The following OCA2 variants were observed in gnomAD, a reference collection of about 807,000 sequenced individuals.
OCA2 encodes the protein OCA2 melanosomal transmembrane protein, also known as P protein.
OCA2 carries 77 observed loss-of-function variants against 100.2 expected under a neutral mutation model. The observed-to-expected ratio is 0.77, with a 90% CI of 0.64 to 0.93. The LOEUF (loss-of-function observed/expected upper bound fraction) is 0.93. Ranked by LOEUF, OCA2 falls within the 40% of genes least tolerant of loss-of-function variation. The pLI, the probability that OCA2 is intolerant of heterozygous loss-of-function variation, is 0.00. For synonymous variants in OCA2, 432 were observed against 439.2 expected (o/e 0.98, Z 0.21); for missense variants, 1,062 against 1,089.1 (o/e 0.98, Z 0.35).
chr15:27,877,462 G>A (rs2036838675), intron 19 of OCA2, among the ~76,000 whole-genome samples: 1 of 151,672 alleles, frequency 6.6e-6, no homozygotes. Flanking sequence ...TGTCTATTTT[G>A]TTTTACTTTA....
chr15:27,733,985 C>T, the OCA2 span, among the ~76,000 whole-genome samples: 1 of 151,502 alleles, frequency 6.6e-6, no homozygotes, highest in Non-Finnish European at 1.5e-5. Flanking sequence ...CATGGTGAAA[C>T]CCCGTCTCTA....
the OCA2 span, among the ~76,000 whole-genome samples, chr15:27,723,248 C>A: frequency 5.3e-5 from 8 of 151,926 alleles, no homozygotes; most frequent in Admixed American, 1.3e-4. Flanking sequence ...AGAGCAGGAA[C>A]TTTTTTTTCC....
chr15:27,782,015 G>A (rs890843776), intron 23 of OCA2, among the ~76,000 whole-genome samples: 7 of 152,300 alleles, frequency 4.6e-5, no homozygotes, highest in African/African-American at 1.7e-4. Flanking sequence ...AAAAGCATTT[G>A]TTCTATTGCA....
chr15:27,756,716 G>T lies in OCA2; in HGVS notation c.2433-1244C>A, dbSNP rs542316445. On this transcript the variant is annotated intron_variant, in intron 23 of 23. Coordinates refer to ENST00000354638, the MANE Select transcript of OCA2 (RefSeq NM_000275.3). ...CCTTCGTTCCTCTGTGACAGATTGT[G>T]TAGAGTGAGTCAGTGTCAGGTAAGA... 3.3e-5 allele frequency among the ~76,000 whole-genome samples: 5 copies of T among 152,316 alleles called. No homozygotes were observed. The South Asian group carries it at 8.3e-4, about 25-fold the overall frequency.
At chr15:27,784,978 A>G (rs1001923328) in intron 23 of OCA2, among the ~76,000 whole-genome samples, 1 of 152,184 alleles carries the variant, frequency 6.6e-6, no homozygotes. Flanking sequence ...ACAAATCTAA[A>G]TAGCACAGAA....
At chr15:27,954,138 CA>C (rs2040134568) in intron 17 of OCA2, among the ~76,000 whole-genome samples, 4 of 147,088 alleles carry the variant, frequency 2.7e-5, no homozygotes, top group South Asian at 4.3e-4. Context: ...CACACACACA[CA>C]CACACACACA....
intron 23 of OCA2, among the ~76,000 whole-genome samples, chr15:27,796,580 G>T (rs1376450795): frequency 1.3e-5 from 2 of 152,218 alleles, no homozygotes; most frequent in African/African-American, 2.4e-5. Context: ...GGTGTAACAG[G>T]TCTAAGCACG....
rs576296605 is a variant in OCA2, at chr15:27,895,953, G to A, written c.2080-24031C>T. Reference sequence around the variant, plus strand: ...CGCACAGCATATGCATGTGAACTACGAAAATATGGTTTGAAGGTTGGCCTG... The same window carrying A: ...CGCACAGCATATGCATGTGAACTACAAAAATATGGTTTGAAGGTTGGCCTG... On this transcript the variant is annotated intron_variant, in intron 19 of 23. Coordinates refer to ENST00000354638, the MANE Select transcript of OCA2 (RefSeq NM_000275.3). 4.3e-4 allele frequency: 303 copies of A among 700,792 alleles called. 3 individuals carry two copies. Among genetic ancestry groups the A allele is most frequent in the Middle Eastern group, 2.9e-3 (7 of 2,388 alleles). The allele number at this position is 700,792 out of a possible 1,614,324, so 43.4% of individuals were successfully genotyped here.
chr15:28,028,684 GTTGTT>G (rs1380343392), intron 3 of OCA2, among the ~76,000 whole-genome samples: 2 of 152,008 alleles, frequency 1.3e-5, no homozygotes, highest in Non-Finnish European at 1.5e-5. Flanking sequence ...TGTTGTTGTT[GTTGTT>G]TTGTTTTGTT....
At chr15:27,764,686 T>C (rs974075081) in intron 23 of OCA2, among the ~76,000 whole-genome samples, 11 of 152,112 alleles carry the variant, frequency 7.2e-5, no homozygotes, top group Admixed American at 5.9e-4. Context: ...AAGCCTGAAA[T>C]ATGCATTCAC....
At chr15:28,027,784 G>A (rs367786597) in intron 4 of OCA2, 87 bp downstream of exon 4, 7 of 1,367,120 alleles carry the variant, frequency 5.1e-6, no homozygotes, top group African/African-American at 2.8e-5. Context: ...TCTTCTTCAC[G>A]CTGCTGGTTT....
chr15:28,072,490 T>C (rs1275944621), intron 2 of OCA2, among the ~76,000 whole-genome samples: 1 of 148,640 alleles, frequency 6.7e-6, no homozygotes, highest in African/African-American at 2.5e-5. Flanking sequence ...CTCGGAAGGC[T>C]GAGGCAGGAG....
At chr15:27,940,407 C>T (rs2039606960) in intron 18 of OCA2, among the ~76,000 whole-genome samples, 1 of 152,340 alleles carries the variant, frequency 6.6e-6, no homozygotes, top group South Asian at 2.1e-4. Context: ...ATGAGACACA[C>T]ATTCCTAGCC....
chr15:28,095,996 G>A (rs1374592362), intron 1 of OCA2, among the ~76,000 whole-genome samples: 1 of 152,224 alleles, frequency 6.6e-6, no homozygotes, highest in Non-Finnish European at 1.5e-5. Context: ...AACCGCCCCT[G>A]GCTATGCTTG....
intron 2 of OCA2, among the ~76,000 whole-genome samples, chr15:28,072,413 C>G (rs980266457): frequency 7.2e-5 from 11 of 152,016 alleles, no homozygotes; most frequent in Non-Finnish European, 1.5e-4. Context: ...CACGGTGAAA[C>G]CCCATCTCTA....
At chr15:27,834,448 T>A (rs60646923) in intron 23 of OCA2, among the ~76,000 whole-genome samples, 27,170 of 152,138 alleles carry the variant, frequency 0.18, 3,838 homozygotes, top group East Asian at 0.54. Context: ...GTAGGTAACA[T>A]GCTTTCCTGA....
intron 9 of OCA2, among the ~76,000 whole-genome samples, chr15:27,995,992 C>T (rs1321414625): frequency 1.3e-5 from 2 of 151,892 alleles, no homozygotes; most frequent in East Asian, 3.9e-4. Flanking sequence ...TTTGTATTTT[C>T]AGTAGAGACG....
At chr15:28,083,964 T>C (rs1184778330) in intron 1 of OCA2, among the ~76,000 whole-genome samples, 2 of 152,190 alleles carry the variant, frequency 1.3e-5, no homozygotes, top group South Asian at 2.1e-4. Flanking sequence ...AGACTGAATG[T>C]GTATGTGCCC....
intron 2 of OCA2, among the ~76,000 whole-genome samples, chr15:28,054,587 A>T (rs1008612228): frequency 5.3e-5 from 8 of 152,202 alleles, no homozygotes; most frequent in African/African-American, 1.9e-4. Flanking sequence ...TGTTGCTGCC[A>T]TAGAGATACC....
Sources: gnomAD v4.1 joint callset for allele counts (sites outside exome capture counted in the v4.1 genomes callset) on GRCh38, gnomAD v4.1.1 for gene constraint, MANE v1.5 for transcripts, NCBI Gene and HGNC (gene_info 2026-07-23, HGNC 2026-07-21) for gene names.